HS1BP3: variants seen among roughly 807,000 people sequenced by gnomAD.
HS1BP3 encodes the protein HCLS1-binding protein 3.
In HS1BP3, 32 loss-of-function variants were observed where a neutral mutation model predicts 33.5. The ratio of observed to expected loss-of-function variants is 0.95; its 90% CI spans 0.72 to 1.28. HS1BP3 has a LOEUF of 1.28. Ranked by LOEUF, HS1BP3 falls within the 50% of genes most tolerant of loss-of-function variation. The pLI is 0.00. For synonymous variants in HS1BP3, 187 were observed against 209.2 expected (o/e 0.89, Z 0.92); for missense variants, 486 against 502.3 (o/e 0.97, Z 0.31).
At chr2:20,582,960 C>T (rs1279656992) in intron 5 of HS1BP3, among the ~76,000 whole-genome samples, 1 of 152,124 alleles carries the variant, frequency 6.6e-6, no homozygotes, top group African/African-American at 2.4e-5. Flanking sequence ...TGCCACTTAC[C>T]AGGCCCTGGG....
chr2:20,567,317 C>T (rs372256843), intron 5 of HS1BP3, among the ~76,000 whole-genome samples: 9 of 152,204 alleles, frequency 5.9e-5, no homozygotes, highest in African/African-American at 2.2e-4. Flanking sequence ...AACAAGGGGG[C>T]AGAAGCTGGG....
chr2:20,562,273 G>T (rs1693018462), intron 5 of HS1BP3, among the ~76,000 whole-genome samples: 1 of 152,148 alleles, frequency 6.6e-6, no homozygotes, highest in African/African-American at 2.4e-5. Context: ...GAAGCTAGGA[G>T]TTTGACACCA....
intron 5 of HS1BP3, among the ~76,000 whole-genome samples, chr2:20,567,063 A>G (rs1275975857): frequency 1.3e-5 from 2 of 152,140 alleles, no homozygotes; most frequent in Non-Finnish European, 2.9e-5. Context: ...TGCATGTGCT[A>G]GAAGCCACCC....
chr2:20,650,770 A>C (rs1695669787), intron 1 of HS1BP3, among the ~76,000 whole-genome samples: 1 of 152,222 alleles, frequency 6.6e-6, no homozygotes. Flanking sequence ...GCCCGCCTGC[A>C]CTGAACCAGT....
At chr2:20,631,318 AC>A (rs1694959614) in intron 4 of HS1BP3, among the ~76,000 whole-genome samples, 1 of 151,890 alleles carries the variant, frequency 6.6e-6, no homozygotes, top group African/African-American at 2.4e-5. Flanking sequence ...GTTCAAGACC[AC>A]CCTGGGCAAC....
chr2:20,574,042 T>G (rs534218773), intron 5 of HS1BP3, among the ~76,000 whole-genome samples: 2 of 152,342 alleles, frequency 1.3e-5, no homozygotes, highest in South Asian at 4.1e-4. Context: ...GTCCTTCCTG[T>G]GTGGGTTGCC....
At chr2:20,605,565 C>G (rs988230881) in intron 2 of HS1BP3, among the ~76,000 whole-genome samples, 29 of 152,172 alleles carry the variant, frequency 1.9e-4, no homozygotes, top group African/African-American at 6.5e-4. Flanking sequence ...TCATCACCCC[C>G]CAAAGGAAAA....
chr2:20,565,333 C>T (rs1693100103), intron 5 of HS1BP3, among the ~76,000 whole-genome samples: 1 of 152,202 alleles, frequency 6.6e-6, no homozygotes, highest in Non-Finnish European at 1.5e-5. Context: ...GTGGCTCCTC[C>T]ACCAGATGGA....
chr2:20,581,882 G>A (rs1693541824), intron 5 of HS1BP3, among the ~76,000 whole-genome samples: 1 of 152,192 alleles, frequency 6.6e-6, no homozygotes, highest in African/African-American at 2.4e-5. Context: ...AGGTTCTAGA[G>A]GCTGCCTGTG....
chr2:20,646,765 G>A (rs992929321), intron 1 of HS1BP3, among the ~76,000 whole-genome samples: 4 of 152,244 alleles, frequency 2.6e-5, no homozygotes, highest in African/African-American at 7.2e-5. Context: ...TGCCACCAGT[G>A]TGGAGGAGGA....
downstream of HS1BP3, among the ~76,000 whole-genome samples, chr2:20,615,512 C>A (rs2149287765): frequency 6.6e-6 from 1 of 152,350 alleles, no homozygotes; most frequent in Middle Eastern, 3.4e-3. Context: ...GACTTCAGCT[C>A]CTTGAGGAGG....
chr2:20,601,765 GTCT>G (rs1694073944), intron 2 of HS1BP3, among the ~76,000 whole-genome samples: 1 of 98,538 alleles, frequency 1.0e-5, no homozygotes, highest in African/African-American at 3.4e-5. Flanking sequence ...TTTCAAGTGT[GTCT>G]TCTTTTTTTT....
chr2:20,641,281 G>T (rs1176426088), intron 2 of HS1BP3, 101 bp from the exon 3 acceptor site: 2 of 1,081,436 alleles, frequency 1.8e-6, no homozygotes, highest in Admixed American at 3.8e-5. Context: ...GCCAAAGGAA[G>T]TGTGCCAGGT....
At chr2:20,566,478 A>T (rs559509670) in intron 5 of HS1BP3, among the ~76,000 whole-genome samples, 1 of 152,316 alleles carries the variant, frequency 6.6e-6, no homozygotes, top group Admixed American at 6.5e-5. Context: ...GTCAAGGAAG[A>T]CAAGGAGGAG....
intron 5 of HS1BP3, among the ~76,000 whole-genome samples, chr2:20,570,560 C>T (rs1318912306): frequency 6.6e-6 from 1 of 152,164 alleles, no homozygotes; most frequent in Non-Finnish European, 1.5e-5. Flanking sequence ...CCCAAGGGCT[C>T]AGGATGGTGG....
chr2:20,630,003 A>G (rs1394190732), intron 4 of HS1BP3, among the ~76,000 whole-genome samples: 1 of 152,184 alleles, frequency 6.6e-6, no homozygotes, highest in East Asian at 1.9e-4. Context: ...CAGACCACCA[A>G]TGGGCACCAG....
chr2:20,588,545 C>A (rs1482741133), downstream of HS1BP3, among the ~76,000 whole-genome samples: 1 of 152,150 alleles, frequency 6.6e-6, no homozygotes, highest in African/African-American at 2.4e-5. Context: ...GTCTCGAATT[C>A]CCGACCTGAA....
rs60486220 is a variant in HS1BP3, at chr2:20,608,574, C to CAA, written c.179-10311_179-10310dup. On this transcript the variant is annotated intron_variant, in intron 2 of 3. Transcript: ENST00000415264. ...GGGCAACAAGAGCGAAACTCCGTCT[C>CAA]AAAAAAAAAAAAAAAAAAAAAAGAA... is the stretch of plus-strand genomic sequence containing the variant. Among the ~76,000 whole-genome samples the CAA allele has an allele frequency of 6.5e-4, 63 of 96,316 alleles. 1 individual carries two copies. The highest frequency in any genetic ancestry group is 1.1e-3 in the African/African-American group (28 of 25,390). 63.2% of individuals were successfully genotyped at this position (96,316 alleles called of 152,430 possible).
the HS1BP3 span, among the ~76,000 whole-genome samples, chr2:20,555,151 A>G: frequency 6.6e-6 from 1 of 152,128 alleles, no homozygotes; most frequent in African/African-American, 2.4e-5. Context: ...TATCATCCCC[A>G]CTTAATGTTT....
Sources: gnomAD v4.1 joint callset for allele counts (sites outside exome capture counted in the v4.1 genomes callset) on GRCh38, gnomAD v4.1.1 for gene constraint, MANE v1.5 for transcripts, NCBI Gene and HGNC (gene_info 2026-07-23, HGNC 2026-07-21) for gene names.